EFCAB8: variants seen among roughly 807,000 people sequenced by gnomAD.
EFCAB8 encodes EF-hand calcium binding domain 8, also known as EF-hand calcium-binding domain-containing protein 8.
A neutral mutation model predicts 116.3 loss-of-function variants in EFCAB8; 100 were observed. The ratio of observed to expected loss-of-function variants is 0.86; its 90% confidence interval spans 0.73 to 1.02. The LOEUF is 1.02. EFCAB8 is among the 50% of genes least tolerant of loss of function. The probability of loss-of-function intolerance (pLI) is 0.00; values close to 1 mark genes in which losing one functional copy is unlikely to be tolerated. For synonymous variants in EFCAB8, 558 were observed against 567.9 expected, an observed-to-expected ratio of 0.98 and a Z score of 0.25; for missense variants, 1,320 against 1,416.9, an observed-to-expected ratio of 0.93 and a Z score of 1.10.
At chr20:32,940,391 T>C (rs1454555548) in intron 22 of EFCAB8, among the ~76,000 whole-genome samples, 1 of 149,618 alleles carries the variant, frequency 6.7e-6, no homozygotes, top group Non-Finnish European at 1.5e-5. Flanking sequence ...ATTAGAAGAA[T>C]GAAGTTAGAC....
chr20:32,930,126 G>A (rs1183720341), intron 20 of EFCAB8, among the ~76,000 whole-genome samples: 2 of 152,174 alleles, frequency 1.3e-5, no homozygotes, highest in African/African-American at 2.4e-5. Flanking sequence ...AACATTTATT[G>A]ATCATGTATT....
At chr20:32,908,481 G>A in intron 14 of EFCAB8, 69 bp downstream of exon 14, 1 of 1,246,524 alleles carries the variant, frequency 8.0e-7, no homozygotes, top group Non-Finnish European at 1.0e-6. Flanking sequence ...AATCCCATGG[G>A]ACACCCAAGG....
At chr20:32,929,084 A>AT (rs1284624051) in intron 20 of EFCAB8, among the ~76,000 whole-genome samples, 1 of 151,378 alleles carries the variant, frequency 6.6e-6, no homozygotes, top group East Asian at 1.9e-4. Flanking sequence ...CAGTTTGCTA[A>AT]TTTTTTTGAT....
At chr20:32,920,038 A>G (rs766280351) in intron 19 of EFCAB8, 40 bp from the exon 20 acceptor site, 2 of 1,551,386 alleles carry the variant, frequency 1.3e-6, no homozygotes, top group African/African-American at 1.4e-5. Context: ...GGGAAGGGAA[A>G]CACCCTCATG....
chr20:32,907,069 C>A, intron 13 of EFCAB8, 75 bp downstream of exon 13: 1 of 1,446,714 alleles, frequency 6.9e-7, no homozygotes, highest in Non-Finnish European at 9.1e-7. Flanking sequence ...GCATGACCTC[C>A]CTGCCCACGG....
At chr20:32,877,816 G>A (rs1200218048) in intron 4 of EFCAB8, among the ~76,000 whole-genome samples, 1 of 152,122 alleles carries the variant, frequency 6.6e-6, no homozygotes, top group East Asian at 1.9e-4. Flanking sequence ...TCCTTACAGG[G>A]GCCTGAGTTT....
chr20:32,924,270 C>T, intron 20 of EFCAB8, among the ~76,000 whole-genome samples: 1 of 152,116 alleles, frequency 6.6e-6, no homozygotes, highest in East Asian at 1.9e-4. Context: ...CCTTATGTTG[C>T]CCAGGCTAGT....
intron 3 of EFCAB8, among the ~76,000 whole-genome samples, chr20:32,875,502 G>GTTTTT (rs57620114): frequency 1.4e-4 from 13 of 89,896 alleles, no homozygotes; most frequent in Middle Eastern, 8.6e-3. Context: ...AAACATGGTG[G>GTTTTT]TTTTTTTTTT....
chr20:32,936,392 T>A (rs1988121173), intron 22 of EFCAB8, among the ~76,000 whole-genome samples: 1 of 152,216 alleles, frequency 6.6e-6, no homozygotes, highest in Admixed American at 6.5e-5. Flanking sequence ...ATTGCTCAGA[T>A]CAATGTCATG....
intron 22 of EFCAB8, among the ~76,000 whole-genome samples, chr20:32,942,857 A>G (rs1427412178): frequency 6.6e-6 from 1 of 152,140 alleles, no homozygotes; most frequent in Non-Finnish European, 1.5e-5. Context: ...TTCATCAGGT[A>G]TCCTACTACT....
chr20:32,911,787 A>AT, intron 16 of EFCAB8, 80 bp downstream of exon 16: 12 of 1,373,126 alleles, frequency 8.7e-6, no homozygotes, highest in Non-Finnish European at 1.1e-5. Flanking sequence ...GGGATGCACT[A>AT]TTTTTTGTAC....
At chr20:32,885,723 GA>G in intron 6 of EFCAB8, 83 bp downstream of exon 6, 1 of 1,498,284 alleles carries the variant, frequency 6.7e-7, no homozygotes, top group Non-Finnish European at 9.0e-7. Context: ...AGGTGACCTG[GA>G]GCCAGGCAGA....
chr20:32,863,178 C>CT (rs1391406886), intron 1 of EFCAB8, among the ~76,000 whole-genome samples: 1 of 152,138 alleles, frequency 6.6e-6, no homozygotes, highest in Non-Finnish European at 1.5e-5. Context: ...GGACTCTTGC[C>CT]TGGTGGGACT....
intron 16 of EFCAB8, among the ~76,000 whole-genome samples, chr20:32,912,454 A>AAGAAAG (rs1300091306): frequency 1.3e-5 from 2 of 150,708 alleles, no homozygotes; most frequent in African/African-American, 4.9e-5. Context: ...AAGAAGAAGA[A>AAGAAAG]GAAAGAAAGT....
chr20:32,949,560 C>T (rs1988735106), intron 23 of EFCAB8, among the ~76,000 whole-genome samples: 1 of 152,144 alleles, frequency 6.6e-6, no homozygotes, highest in Non-Finnish European at 1.5e-5. Context: ...ACAGACAGAT[C>T]AATGGAATGG....
Position 32,917,174 on chromosome 20 carries a change from G to T in EFCAB8, c.1857-127G>T, listed in dbSNP as rs1015366532. ...GTCAATGGGACATGGCTTCAGCCCAGCTCCGACACCTGAGAGTATCCTCCT... is the reference window on the plus strand; with the variant it reads ...GTCAATGGGACATGGCTTCAGCCCATCTCCGACACCTGAGAGTATCCTCCT... On this transcript the variant is annotated intron_variant, in intron 17 of 26. Coordinates refer to ENST00000400522, the MANE Select transcript of EFCAB8 (RefSeq NM_001143967.2). The T allele has an allele frequency of 1.4e-5, 10 of 722,562 alleles. No individual in the cohort carries two copies. The South Asian group carries it at 1.5e-4, about 11-fold the overall frequency. The allele number at this position is 722,562 out of a possible 1,614,324, so 44.8% of individuals were successfully genotyped here. A position where few individuals can be genotyped will look rare whatever the true frequency, so the allele number is the denominator to read the frequency against.
At chr20:32,883,872 G>A (rs1371165510) in intron 5 of EFCAB8, among the ~76,000 whole-genome samples, 2 of 152,044 alleles carry the variant, frequency 1.3e-5, no homozygotes, top group Non-Finnish European at 2.9e-5. Context: ...TGTATTTTTA[G>A]TAGAGATGGG....
chr20:32,911,824 C>G, intron 16 of EFCAB8, 117 bp downstream of exon 16: 1 of 1,064,390 alleles, frequency 9.4e-7, no homozygotes, highest in Non-Finnish European at 1.4e-6. Context: ...TCATCATAGT[C>G]AGGTGGCCTG....
chr20:32,928,233 A>AT (rs1568935118), intron 20 of EFCAB8, among the ~76,000 whole-genome samples: 2 of 130,246 alleles, frequency 1.5e-5, no homozygotes, highest in African/African-American at 3.1e-5. Flanking sequence ...AATGCAACTG[A>AT]TTTTTTATTT....
Sources: gnomAD v4.1 joint callset for allele counts (sites outside exome capture counted in the v4.1 genomes callset) on GRCh38, gnomAD v4.1.1 for gene constraint, MANE v1.5 for transcripts, NCBI Gene and HGNC (gene_info 2026-07-23, HGNC 2026-07-21) for gene names.